SLMAP: variants seen among roughly 807,000 people sequenced by gnomAD.
SLMAP encodes the protein sarcolemma associated protein, also known as sarcolemmal membrane-associated protein.
In SLMAP, 44 loss-of-function variants were observed where a neutral mutation model predicts 128.8. That is an observed-to-expected ratio of 0.34 (90% CI 0.27 to 0.44). The LOEUF (loss-of-function observed/expected upper bound fraction) is 0.44. SLMAP is among the 20% of genes least tolerant of loss of function. SLMAP has a pLI of 1.00. For synonymous variants in SLMAP, 327 were observed against 348.8 expected, an observed-to-expected ratio of 0.94 and a Z score of 0.70; for missense variants, 787 against 985.3, an observed-to-expected ratio of 0.80 and a Z score of 2.69.
chr3:57,862,405 C>T (rs570039832), intron 10 of SLMAP, among the ~76,000 whole-genome samples: 3 of 151,820 alleles, frequency 2.0e-5, no homozygotes, highest in Admixed American at 6.6e-5. Flanking sequence ...TTTGGGAGGC[C>T]GAGGCGGGCA....
rs371397224 is a variant in SLMAP, at chr3:57,886,595, A to G, written c.1301-3446A>G. 7.2e-4 allele frequency among the ~76,000 whole-genome samples: 108 copies of G among 149,780 alleles called. 1 individual carries two copies. Among genetic ancestry groups the G allele is most frequent in the African/African-American group, 2.4e-3 (100 of 40,982 alleles). On this transcript the variant is annotated intron_variant, in intron 14 of 24. Transcript: ENST00000671191. ...AAGGCAAGAGGTTTTTTTTTTTTTC[A>G]AGAGGGAAAATTAAAGAAAATTTGA...
Position 57,896,760 on chromosome 3 carries a change from C to T in SLMAP, c.1442-113C>T. On this transcript the variant is annotated intron_variant, in intron 16 of 24. Coordinates refer to ENST00000671191, the MANE Select transcript of SLMAP (RefSeq NM_001377540.1). ...GATATTTTGTTAAAACTACTTTCAA[C>T]TACCCGAATATAATAGCTGTATCAA... 2 of 1,395,184 alleles carry T rather than the reference C, an allele frequency of 1.4e-6. 1 individual carries two copies. Among genetic ancestry groups the T allele is most frequent in the South Asian group, 2.9e-5 (2 of 68,374 alleles). 86.4% of individuals were successfully genotyped at this position (1,395,184 alleles called of 1,614,324 possible). A position where few individuals can be genotyped will look rare whatever the true frequency, so the allele number is the denominator to read the frequency against.
intron 21 of SLMAP, among the ~76,000 whole-genome samples, chr3:57,915,922 C>T (rs758435278): frequency 4.0e-5 from 6 of 151,866 alleles, no homozygotes; most frequent in Non-Finnish European, 7.4e-5. Flanking sequence ...TTTGGGAGGC[C>T]GAAGCAGGCA....
At chr3:57,777,543 C>T (rs1251485280) in intron 2 of SLMAP, among the ~76,000 whole-genome samples, 1 of 151,498 alleles carries the variant, frequency 6.6e-6, no homozygotes, top group Non-Finnish European at 1.5e-5. Context: ...TTTGATGGTG[C>T]CTGTGAATCA....
intron 2 of SLMAP, among the ~76,000 whole-genome samples, chr3:57,773,280 G>A (rs951141172): frequency 3.3e-5 from 5 of 152,166 alleles, no homozygotes; most frequent in Admixed American, 2.6e-4. Flanking sequence ...TCAGGTAAGC[G>A]GTGGAGATAA....
chr3:57,872,091 A>G (rs764741896), intron 14 of SLMAP, among the ~76,000 whole-genome samples: 4 of 152,180 alleles, frequency 2.6e-5, no homozygotes, highest in Non-Finnish European at 5.9e-5. Flanking sequence ...TTGTCCTACA[A>G]TCTGACCTCC....
intron 2 of SLMAP, among the ~76,000 whole-genome samples, chr3:57,830,739 A>T (rs2093284265): frequency 6.6e-6 from 1 of 152,194 alleles, no homozygotes. Flanking sequence ...CCTACCTGCC[A>T]CTTCAGCCTT....
In SLMAP at chr3:57,757,312, C is replaced by G. The variant is rs1193170532; in HGVS notation, c.-340C>G. The G allele has an allele frequency of 2.6e-6, 1 of 382,306 alleles. No individual in the cohort carries two copies. The highest frequency in any genetic ancestry group is 2.1e-5 in the African/African-American group (1 of 48,318). 23.7% of individuals were successfully genotyped at this position (382,306 alleles called of 1,614,324 possible). On this transcript the variant is annotated 5_prime_UTR_variant, in exon 2 of 25. It introduces an in-frame stop codon into an upstream open reading frame of the 5' UTR. Transcript: ENST00000671191. ...GGCGTGTGACTCATCTGCTTGGATA[C>G]CTCCAGTCCCCAAACTGTGTTCCAG...
At chr3:57,919,383 GA>G (rs1196503584) in intron 22 of SLMAP, among the ~76,000 whole-genome samples, 1,899 of 119,956 alleles carry the variant, frequency 0.016, 27 homozygotes, top group African/African-American at 0.055. Flanking sequence ...CTCCATCTCA[GA>G]AAAAAAAAAA....
At chr3:57,791,266 AG>A (rs1347215329) in intron 2 of SLMAP, among the ~76,000 whole-genome samples, 1 of 152,144 alleles carries the variant, frequency 6.6e-6, no homozygotes, top group Non-Finnish European at 1.5e-5. Context: ...AGGTTGAGGC[AG>A]GAGAATCTCT....
intron 2 of SLMAP, among the ~76,000 whole-genome samples, chr3:57,790,356 A>G (rs1428211315): frequency 6.6e-6 from 1 of 152,226 alleles, no homozygotes; most frequent in Admixed American, 6.5e-5. Flanking sequence ...GGCCAAGATC[A>G]CAGATCTTAT....
intron 2 of SLMAP, among the ~76,000 whole-genome samples, chr3:57,815,341 C>G (rs924923679): frequency 1.3e-5 from 2 of 152,116 alleles, no homozygotes; most frequent in Admixed American, 6.6e-5. Context: ...ATAAGGGACC[C>G]CTGCCCTAAT....
At chr3:57,923,523 G>A (rs2096952337) in intron 23 of SLMAP, among the ~76,000 whole-genome samples, 1 of 152,220 alleles carries the variant, frequency 6.6e-6, no homozygotes, top group Non-Finnish European at 1.5e-5. Context: ...GGCTGTGAGA[G>A]AGAGAGATGA....
chr3:57,818,382 C>T (rs375048046), intron 2 of SLMAP, among the ~76,000 whole-genome samples: 9 of 152,154 alleles, frequency 5.9e-5, no homozygotes, highest in African/African-American at 2.2e-4. Context: ...CTCGAACTCC[C>T]GACCTCAGGT....
chr3:57,823,878 C>T (rs1166351371), intron 2 of SLMAP, among the ~76,000 whole-genome samples: 1 of 152,124 alleles, frequency 6.6e-6, no homozygotes. Context: ...CTCTCCAGCA[C>T]CTGTTGTTTC....
intron 4 of SLMAP, among the ~76,000 whole-genome samples, chr3:57,846,953 A>G (rs1360877401): frequency 1.3e-5 from 2 of 152,226 alleles, no homozygotes; most frequent in African/African-American, 4.8e-5. Flanking sequence ...CTCAAAGAGC[A>G]TTTAATACAT....
intron 2 of SLMAP, among the ~76,000 whole-genome samples, chr3:57,791,524 C>A (rs978385017): frequency 6.6e-6 from 1 of 152,012 alleles, no homozygotes; most frequent in Non-Finnish European, 1.5e-5. Flanking sequence ...GATAACATCC[C>A]TGAAACAGGG....
At chr3:57,848,438 C>T (rs1440773902) in intron 5 of SLMAP, among the ~76,000 whole-genome samples, 3 of 146,228 alleles carry the variant, frequency 2.1e-5, no homozygotes, top group Non-Finnish European at 3.0e-5. Flanking sequence ...CTTTTTTCTT[C>T]TTCGTCCTTC....
chr3:57,896,876 C>G lies in SLMAP; in HGVS notation c.1445C>G (p.Ala482Gly), dbSNP rs752912444. 1 of 1,605,148 alleles carries G rather than the reference C, an allele frequency of 6.2e-7. No individual in the cohort carries two copies. The highest frequency in any genetic ancestry group is 1.1e-5 in the South Asian group (1 of 88,586). Reference protein sequence around the residue: ...KEKSSDDTTDAQMDEQDLNEP... With the variant: ...KEKSSDDTTDGQMDEQDLNEP... ...TGTATTTTTTTCCTCTCTGTAGACG[C>G]CCAAATGGATGAGCAAGACCTAAAT... Residue 482 changes from alanine (A) to glycine (G), a missense_variant, in exon 17 of 25, where the codon GCC (alanine) becomes GGC (glycine). Coordinates refer to ENST00000671191, the MANE Select transcript of SLMAP (RefSeq NM_001377540.1).
Sources: gnomAD v4.1 joint callset for allele counts (sites outside exome capture counted in the v4.1 genomes callset) on GRCh38, gnomAD v4.1.1 for gene constraint, MANE v1.5 for transcripts, NCBI Gene and HGNC (gene_info 2026-07-23, HGNC 2026-07-21) for gene names.